PLXNA4: variants seen among roughly 807,000 people sequenced by gnomAD.
PLXNA4 encodes plexin-A4.
PLXNA4 carries 44 observed loss-of-function variants against 191.8 expected under a neutral mutation model. That is an observed-to-expected ratio of 0.23 (90% CI 0.18 to 0.29). The LOEUF is 0.29. PLXNA4 is among the 10% of genes least tolerant of loss of function. PLXNA4 has a pLI of 1.00. For missense variants in PLXNA4, 1,800 were observed against 2,488.8 expected (o/e 0.72, Z 5.89); for synonymous variants, 1,082 against 1,009.5 (o/e 1.07, Z -1.36).
chr7:132,425,359 T>C (rs1276979726), intron 3 of PLXNA4, among the ~76,000 whole-genome samples: 2 of 152,162 alleles, frequency 1.3e-5, no homozygotes, highest in Non-Finnish European at 2.9e-5. Flanking sequence ...GCTAATTGTG[T>C]GTTTCTGGCA....
chr7:132,597,562 C>T (rs1369137091), intron 2 of PLXNA4, among the ~76,000 whole-genome samples: 1 of 146,530 alleles, frequency 6.8e-6, no homozygotes, highest in East Asian at 2.1e-4. Context: ...AATCATGCAT[C>T]GTCTCTCTCC....
upstream of PLXNA4, among the ~76,000 whole-genome samples, chr7:132,577,658 G>A (rs973350805): frequency 1.3e-5 from 2 of 151,972 alleles, no homozygotes; most frequent in African/African-American, 2.4e-5. Context: ...CCTGGCGGTG[G>A]CGATGTGGGG....
At chr7:132,384,603 A>G (rs1805038448) in intron 3 of PLXNA4, 1 of 990,710 alleles carries the variant, frequency 1.0e-6, no homozygotes. Context: ...TCAGCTCATC[A>G]GGCACTGTTG....
intron 3 of PLXNA4, among the ~76,000 whole-genome samples, chr7:132,301,140 G>T (rs553098900): frequency 1.9e-3 from 291 of 152,280 alleles, no homozygotes; most frequent in African/African-American, 6.7e-3. Flanking sequence ...TAACTGGAAA[G>T]GCTCCTTCTC....
intron 3 of PLXNA4, among the ~76,000 whole-genome samples, chr7:132,361,714 A>C (rs1803950130): frequency 6.6e-6 from 1 of 152,208 alleles, no homozygotes; most frequent in African/African-American, 2.4e-5. Context: ...CTTTGATTAA[A>C]GCCAGGGGAC....
chr7:132,167,196 G>T (rs1218397000), intron 22 of PLXNA4, among the ~76,000 whole-genome samples: 3 of 152,340 alleles, frequency 2.0e-5, no homozygotes, highest in East Asian at 3.9e-4. Flanking sequence ...TACACAAAAA[G>T]TTCAAACAGA....
chr7:132,365,364 T>TGCTGCGCGC (rs1554424584), intron 3 of PLXNA4, among the ~76,000 whole-genome samples: 1 of 147,214 alleles, frequency 6.8e-6, no homozygotes, highest in Non-Finnish European at 1.5e-5. Flanking sequence ...TGTGTGTGCG[T>TGCTGCGCGC]GCGCGCGCAT....
At position 132,190,468 on chromosome 7, in the gene PLXNA4, A is replaced by G. The variant is rs139099111; in HGVS notation, c.2857-2861T>C. Among the ~76,000 whole-genome samples, 173 of 152,310 alleles carry G rather than the reference A, an allele frequency of 1.1e-3. 1 individual carries two copies. Among genetic ancestry groups the G allele is most frequent in the African/African-American group, 3.9e-3 (163 of 41,580 alleles). ...GGGGCCTCAGCCCAGCTTGCATCTC[A>G]GAATTACCCAGGATCTGTAGCATTG... is the stretch of plus-strand genomic sequence containing the variant. On this transcript the variant is annotated intron_variant, in intron 14 of 31. Transcript: ENST00000321063.
chr7:132,205,545 G>T (rs952952669), intron 10 of PLXNA4, among the ~76,000 whole-genome samples: 3 of 151,986 alleles, frequency 2.0e-5, no homozygotes, highest in African/African-American at 4.8e-5. Flanking sequence ...GAACTTCCAG[G>T]CTTCCAGTTC....
intron 1 of PLXNA4, among the ~76,000 whole-genome samples, chr7:132,562,150 CT>C: frequency 9.8e-6 from 1 of 102,528 alleles, no homozygotes; most frequent in Non-Finnish European, 1.9e-5. Context: ...TCTCCTCCTC[CT>C]TCTCTCCTTC....
chr7:132,165,096 C>A, intron 23 of PLXNA4, 38 bp downstream of exon 23: 2 of 1,601,110 alleles, frequency 1.2e-6, no homozygotes, highest in Non-Finnish European at 1.7e-6. Flanking sequence ...AGAGAATGAA[C>A]GAGGCAAGGC....
At chr7:132,496,367 C>T (rs575398766) in intron 2 of PLXNA4, among the ~76,000 whole-genome samples, 1 of 152,198 alleles carries the variant, frequency 6.6e-6, no homozygotes, top group African/African-American at 2.4e-5. Context: ...ACCCCAAATT[C>T]CTGGTGACAG....
chr7:132,642,072 T>C (rs6974714), intron 2 of PLXNA4, among the ~76,000 whole-genome samples: 74,413 of 152,012 alleles, frequency 0.49, 18,600 homozygotes, highest in East Asian at 0.73. Flanking sequence ...TGCTTCTATA[T>C]AATATATAAG....
intron 1 of PLXNA4, among the ~76,000 whole-genome samples, chr7:132,536,548 G>A (rs1482526791): frequency 6.6e-6 from 1 of 152,158 alleles, no homozygotes; most frequent in African/African-American, 2.4e-5. Flanking sequence ...ATGTGGCACC[G>A]CCAAGCTTCT....
At chr7:132,413,021 G>A (rs1794522756) in intron 3 of PLXNA4, among the ~76,000 whole-genome samples, 1 of 151,984 alleles carries the variant, frequency 6.6e-6, no homozygotes, top group Non-Finnish European at 1.5e-5. Flanking sequence ...TTGATAGATG[G>A]GGGGTGGAGA....
At chr7:132,156,228 C>G (rs1343700462) in intron 25 of PLXNA4, among the ~76,000 whole-genome samples, 1 of 150,444 alleles carries the variant, frequency 6.6e-6, no homozygotes, top group Non-Finnish European at 1.5e-5. Flanking sequence ...TTTGGAGAAT[C>G]CTTACTAACG....
chr7:132,445,645 A>G (rs1563103011), intron 3 of PLXNA4, among the ~76,000 whole-genome samples: 1 of 152,124 alleles, frequency 6.6e-6, no homozygotes, highest in East Asian at 1.9e-4. Context: ...CAAATATATG[A>G]TCTGGCTTCA....
At chr7:132,479,079 A>G (rs573809937) in intron 3 of PLXNA4, among the ~76,000 whole-genome samples, 1 of 152,182 alleles carries the variant, frequency 6.6e-6, no homozygotes, top group East Asian at 1.9e-4. Flanking sequence ...ACCAGCCTGG[A>G]CAACGTAGCA....
At chr7:132,553,952 A>G (rs1235264987) in intron 1 of PLXNA4, among the ~76,000 whole-genome samples, 2 of 152,190 alleles carry the variant, frequency 1.3e-5, no homozygotes, top group Non-Finnish European at 2.9e-5. Context: ...ATTTGCTCCC[A>G]GCTCACAGGT....
Sources: allele counts gnomAD v4.1 joint callset (sites outside exome capture counted in the v4.1 genomes callset), GRCh38; gene constraint gnomAD v4.1.1; transcripts MANE v1.5; gene names NCBI Gene and HGNC (gene_info 2026-07-23, HGNC 2026-07-21).